The following EYS variants were observed in gnomAD, a reference collection of about 807,000 sequenced individuals.
EYS encodes the protein EGF-like photoreceptor maintenance factor, also known as protein eyes shut homolog.
A neutral mutation model predicts 282.1 loss-of-function variants in EYS; 250 were observed. The observed-to-expected ratio is 0.89, with a 90% CI of 0.80 to 0.98. The LOEUF (loss-of-function observed/expected upper bound fraction) is 0.98, where lower values mean the gene tolerates loss of function less well. Ranked by LOEUF, EYS falls within the 50% of genes least tolerant of loss-of-function variation. EYS has a pLI of 0.00. For synonymous variants in EYS, 1,355 were observed against 1,282.9 expected (o/e 1.06, Z -1.20); for missense variants, 4,016 against 3,709.0 (o/e 1.08, Z -2.15).
chr6:64,573,736 A>G (rs1305245756), intron 26 of EYS, among the ~76,000 whole-genome samples: 1 of 152,228 alleles, frequency 6.6e-6, no homozygotes, highest in Non-Finnish European at 1.5e-5. Flanking sequence ...ATGCCATCTC[A>G]CGCCAGTTAG....
intron 31 of EYS, among the ~76,000 whole-genome samples, chr6:64,097,064 G>A (rs1452344624): frequency 2.0e-5 from 3 of 152,180 alleles, no homozygotes; most frequent in Non-Finnish European, 4.4e-5. Flanking sequence ...CTGCAGAACA[G>A]CAGATATTGG....
chr6:65,069,622 G>A (rs1000722158), intron 12 of EYS, among the ~76,000 whole-genome samples: 1 of 151,684 alleles, frequency 6.6e-6, no homozygotes, highest in East Asian at 1.9e-4. Context: ...TTTTCTACTC[G>A]TATCTTAATT....
intron 12 of EYS, among the ~76,000 whole-genome samples, chr6:65,237,347 A>G (rs1411217392): frequency 6.6e-6 from 1 of 151,982 alleles, no homozygotes; most frequent in Non-Finnish European, 1.5e-5. Flanking sequence ...AATGTTTTAG[A>G]AATATCATTA....
intron 1 of EYS, among the ~76,000 whole-genome samples, chr6:65,688,571 G>T (rs1769117615): frequency 6.6e-6 from 1 of 151,062 alleles, no homozygotes; most frequent in African/African-American, 2.4e-5. Context: ...TGACAAATGG[G>T]ATCGAAGTAA....
chr6:64,813,501 C>A lies in EYS; in HGVS notation c.3320G>T (p.Arg1107Leu). 2 of 1,550,508 alleles carry A rather than the reference C, an allele frequency of 1.3e-6. No individual in the cohort carries two copies. The highest frequency in any genetic ancestry group is 1.7e-6 in the Non-Finnish European group (2 of 1,146,222). The change falls in exon 22 of 43, where the codon CGT becomes CTT. Residue 1107 changes from arginine (R) to leucine (L), a missense_variant. By Grantham distance (102) the Arg-to-Leu change is moderately radical. Coordinates refer to ENST00000503581, the MANE Select transcript of EYS (RefSeq NM_001142800.2). ...SAHGFTCICP[R>L]GYTGAYCEKS... ...TTCACAGTATGCACCAGTGTATCCA[C>A]GTGGGCAAATGCAAGTAAATCCATG... is the stretch of plus-strand genomic sequence containing the variant.
chr6:65,392,354 C>T (rs1356838711), intron 7 of EYS, among the ~76,000 whole-genome samples: 1 of 152,002 alleles, frequency 6.6e-6, no homozygotes, highest in African/African-American at 2.4e-5. Context: ...TTCTGCACAG[C>T]AAAAGAAACT....
intron 31 of EYS, among the ~76,000 whole-genome samples, chr6:64,207,045 G>A (rs910887737): frequency 6.6e-6 from 1 of 151,960 alleles, no homozygotes; most frequent in African/African-American, 2.4e-5. Context: ...TCATCATTTA[G>A]CTCCCAATTA....
intron 2 of EYS, among the ~76,000 whole-genome samples, chr6:65,510,212 C>T (rs905744973): frequency 5.7e-5 from 8 of 139,884 alleles, no homozygotes; most frequent in Non-Finnish European, 1.1e-4. Flanking sequence ...TGATGTTCCC[C>T]TTCCTGTGTC....
chr6:65,121,427 T>C (rs995939285), intron 12 of EYS, among the ~76,000 whole-genome samples: 5 of 152,198 alleles, frequency 3.3e-5, no homozygotes, highest in African/African-American at 1.2e-4. Context: ...CAAATCCTAA[T>C]TCTGGTACTA....
chr6:64,237,913 A>G (rs1395883446), intron 30 of EYS, among the ~76,000 whole-genome samples: 2 of 152,204 alleles, frequency 1.3e-5, no homozygotes, highest in African/African-American at 4.8e-5. Context: ...CATTCAAAAT[A>G]AATGTTAGAT....
chr6:64,852,604 T>A (rs1184285980), intron 19 of EYS, among the ~76,000 whole-genome samples: 1 of 152,098 alleles, frequency 6.6e-6, no homozygotes, highest in African/African-American at 2.4e-5. Flanking sequence ...ACTGAATGTT[T>A]GTAGATGTAA....
At chr6:65,121,588 T>TG (rs1211373837) in intron 12 of EYS, among the ~76,000 whole-genome samples, 3 of 152,248 alleles carry the variant, frequency 2.0e-5, no homozygotes, top group Middle Eastern at 3.4e-3. Context: ...CAGAATATTT[T>TG]GGGGGGAGTG....
chr6:64,688,974 A>C (rs1770266730), intron 22 of EYS, among the ~76,000 whole-genome samples: 1 of 151,924 alleles, frequency 6.6e-6, no homozygotes, highest in South Asian at 2.1e-4. Context: ...TGGCCAGGGC[A>C]ATCAGGCAGG....
chr6:65,003,881 G>T lies in EYS; in HGVS notation c.2138-6178C>A, dbSNP rs1293685611. Among the ~76,000 whole-genome samples, 7 of 147,058 alleles carry T rather than the reference G, an allele frequency of 4.8e-5. 1 individual carries two copies. The highest frequency in any genetic ancestry group is 7.3e-5 in the African/African-American group (3 of 41,042). ...GTTTATTTCTGTTTCTCCTTTTTAT[G>T]CCTCAGCCACATTCTGTATATAATG... is the stretch of plus-strand genomic sequence containing the variant. On this transcript the variant is annotated intron_variant, in intron 13 of 42. Coordinates refer to ENST00000503581, the MANE Select transcript of EYS (RefSeq NM_001142800.2).
At chr6:65,050,324 T>A (rs1773233221) in intron 13 of EYS, among the ~76,000 whole-genome samples, 2 of 151,598 alleles carry the variant, frequency 1.3e-5, no homozygotes, top group Non-Finnish European at 3.0e-5. Flanking sequence ...TAAAAACCAA[T>A]ATTTGCTCCA....
At chr6:65,604,542 A>G (rs934276794) in intron 2 of EYS, among the ~76,000 whole-genome samples, 3 of 151,998 alleles carry the variant, frequency 2.0e-5, no homozygotes, top group Non-Finnish European at 4.4e-5. Context: ...ATGTTTATAT[A>G]TTTGTCAAAA....
chr6:65,057,680 T>C lies in EYS; in HGVS notation c.2071A>G (p.Lys691Glu). Residue 691 changes from lysine to glutamate, a missense_variant, in exon 13 of 43, where the codon AAA becomes GAA. By Grantham distance (56) the Lys-to-Glu change is moderately conservative (BLOSUM62 1). Transcript: ENST00000503581. ...TGGTCAATGCAGGTGGCTCCATTTT[T>C]GCAGGGATGTGAAGCACACTCATCT... ...DIDECASHPC[K>E]NGATCIDQPG... The C allele has an allele frequency of 1.3e-6, 2 of 1,551,262 alleles. No homozygotes were observed. Among genetic ancestry groups the C allele is most frequent in the Non-Finnish European group, 1.7e-6 (2 of 1,146,692 alleles).
intron 1 of EYS, among the ~76,000 whole-genome samples, chr6:65,671,757 G>A (rs1270169955): frequency 6.6e-6 from 1 of 152,120 alleles, no homozygotes; most frequent in Non-Finnish European, 1.5e-5. Flanking sequence ...ACTTGCCAAA[G>A]CCCTGCCCTT....
At chr6:63,893,432 A>G (rs977392690) in intron 35 of EYS, among the ~76,000 whole-genome samples, 1 of 152,184 alleles carries the variant, frequency 6.6e-6, no homozygotes, top group Non-Finnish European at 1.5e-5. Flanking sequence ...GTGCAGGGAC[A>G]AGGATGAGTC....
Sources: allele counts gnomAD v4.1 joint callset (sites outside exome capture counted in the v4.1 genomes callset), GRCh38; gene constraint gnomAD v4.1.1; transcripts MANE v1.5; gene names NCBI Gene and HGNC (gene_info 2026-07-23, HGNC 2026-07-21).